GPR141: variants seen among roughly 807,000 people sequenced by gnomAD.
GPR141 encodes probable G protein-coupled receptor 141.
In GPR141, 6 loss-of-function variants were observed where a neutral mutation model predicts 6.8. That is an observed-to-expected ratio of 0.88 (90% CI 0.48 to 1.74). The LOEUF (loss-of-function observed/expected upper bound fraction) is 1.74. GPR141 is among the 40% of genes most tolerant of loss of function. The pLI is 0.01. For missense variants in GPR141, 372 were observed against 372.9 expected (o/e 1.00, Z 0.02); for synonymous variants, 140 against 142.3 (o/e 0.98, Z 0.11).
chr7:37,695,592 C>T (rs1414710178), intron 2 of GPR141, among the ~76,000 whole-genome samples: 1 of 152,306 alleles, frequency 6.6e-6, no homozygotes, highest in African/African-American at 2.4e-5. Flanking sequence ...GTGTTTCCTT[C>T]CGTTCTCTAT....
intron 2 of GPR141, among the ~76,000 whole-genome samples, chr7:37,731,243 G>A (rs973352709): frequency 6.6e-6 from 1 of 152,076 alleles, no homozygotes; most frequent in African/African-American, 2.4e-5. Flanking sequence ...CTCTTCTCAG[G>A]GATTAGAGAC....
At chr7:37,698,623 G>A (rs145166511) in intron 2 of GPR141, among the ~76,000 whole-genome samples, 2,736 of 152,256 alleles carry the variant, frequency 0.018, 154 homozygotes, top group Admixed American at 0.11. Flanking sequence ...GTAAAGAAAT[G>A]TCAGTCACTA....
intron 2 of GPR141, among the ~76,000 whole-genome samples, chr7:37,729,183 T>C (rs1003256685): frequency 6.6e-6 from 1 of 152,164 alleles, no homozygotes; most frequent in African/African-American, 2.4e-5. Flanking sequence ...CAGAGTTTTT[T>C]CTTTTCTCTA....
Position 37,740,697 on chromosome 7 carries a change from A to G in GPR141, c.304A>G (p.Thr102Ala). 6.2e-7 allele frequency: 1 copy of G among 1,614,002 alleles called. No individual in the cohort carries two copies. Among genetic ancestry groups the G allele is most frequent in the Non-Finnish European group, 8.5e-7 (1 of 1,179,980 alleles). Reference sequence around the variant, plus strand: ...CATGCTGCACATCCACATGTACCTCACGTTCCTATTCTATGTGGTGATCCT... The same window carrying G: ...CATGCTGCACATCCACATGTACCTCGCGTTCCTATTCTATGTGGTGATCCT... ...SAMLHIHMYLTFLFYVVILVT... is the reference protein window; with the variant it reads ...SAMLHIHMYLAFLFYVVILVT... Residue 102 changes from threonine (T) to alanine (A), a missense_variant, in exon 3 of 3, where the codon ACG becomes GCG. Coordinates refer to ENST00000334425, the MANE Select transcript of GPR141 (RefSeq NM_001381946.1).
intron 2 of GPR141, among the ~76,000 whole-genome samples, chr7:37,710,700 C>T (rs1332538698): frequency 6.6e-6 from 1 of 152,068 alleles, no homozygotes; most frequent in Non-Finnish European, 1.5e-5. Context: ...AATAAATGCC[C>T]ACAGTCTGAG....
intron 2 of GPR141, among the ~76,000 whole-genome samples, chr7:37,689,738 A>G (rs1809670850): frequency 6.6e-6 from 1 of 151,230 alleles, no homozygotes; most frequent in Admixed American, 6.6e-5. Context: ...CTGTGCTATT[A>G]ATTGTACAGT....
chr7:37,685,752 CT>C (rs35789715), intron 2 of GPR141, among the ~76,000 whole-genome samples, 169 bp downstream of exon 2: 15,258 of 113,064 alleles, frequency 0.13, 1,282 homozygotes, highest in African/African-American at 0.27. Flanking sequence ...CCTGGCAGCA[CT>C]TTTTTTTTTT....
intron 2 of GPR141, among the ~76,000 whole-genome samples, chr7:37,738,068 G>GTAT: frequency 6.6e-6 from 1 of 152,168 alleles, no homozygotes; most frequent in Non-Finnish European, 1.5e-5. Context: ...ATATAATAAT[G>GTAT]AGTTTTCGGG....
Position 37,712,936 on chromosome 7 carries a change from A to T in GPR141, c.-15+27353A>T, listed in dbSNP as rs116552325. On this transcript the variant is annotated intron_variant, in intron 2 of 2. Transcript: ENST00000334425. ...TGTCCTGGATGATTTCACTTGCTTC[A>T]TGTGTCTTCATCTTCCTCTTAAAAC... is the stretch of plus-strand genomic sequence containing the variant. 4.5e-3 allele frequency among the ~76,000 whole-genome samples: 691 copies of T among 152,214 alleles called. 6 individuals are homozygous for T. The highest frequency in any genetic ancestry group is 0.016 in the African/African-American group (645 of 41,502).
chr7:37,743,216 T>C lies in GPR141; in HGVS notation c.*1905T>C, dbSNP rs886481083. ...TATATCTTCGGGATTTAAAAGTTTT[T>C]CATAATTTATTATCACTGTGGATCC... On this transcript the variant is annotated 3_prime_UTR_variant, in exon 3 of 3. Coordinates refer to ENST00000334425, the MANE Select transcript of GPR141 (RefSeq NM_001381946.1). Among the ~76,000 whole-genome samples, 6 of 79,770 alleles carry C rather than the reference T, an allele frequency of 7.5e-5. No individual in the cohort carries two copies. Among genetic ancestry groups the C allele is most frequent in the Non-Finnish European group, 2.6e-5 (1 of 38,734 alleles). The allele number at this position is 79,770 out of a possible 152,430, so 52.3% of individuals were successfully genotyped here. A position where few individuals can be genotyped will look rare whatever the true frequency, so the allele number is the denominator to read the frequency against.
intron 2 of GPR141, among the ~76,000 whole-genome samples, chr7:37,717,683 G>T: frequency 6.6e-6 from 1 of 152,064 alleles, no homozygotes; most frequent in Non-Finnish European, 1.5e-5. Flanking sequence ...AGTTTGGCTT[G>T]TTCTCCCACA....
intron 2 of GPR141, among the ~76,000 whole-genome samples, chr7:37,707,020 A>G (rs1810555471): frequency 6.6e-6 from 1 of 151,736 alleles, no homozygotes; most frequent in South Asian, 2.1e-4. Flanking sequence ...TTCCCTCCAG[A>G]GCTTCCCTGA....
chr7:37,740,127 A>G (rs1260945283), intron 2 of GPR141, among the ~76,000 whole-genome samples: 2 of 152,208 alleles, frequency 1.3e-5, no homozygotes, highest in East Asian at 3.8e-4. Context: ...TTATCTACAT[A>G]CATCTCTCTG....
intron 2 of GPR141, among the ~76,000 whole-genome samples, chr7:37,689,468 T>A (rs1365033125): frequency 6.6e-6 from 1 of 152,122 alleles, no homozygotes; most frequent in Non-Finnish European, 1.5e-5. Context: ...AGAAATAGTA[T>A]TAGTTATTTT....
intron 2 of GPR141, chr7:37,729,807 A>C (rs1291007704): frequency 6.6e-6 from 1 of 152,238 alleles, no homozygotes; most frequent in African/African-American, 2.4e-5. Context: ...AGTAGCATCA[A>C]CAAATAACTG....
chr7:37,739,673 G>A (rs1426626051), intron 2 of GPR141, among the ~76,000 whole-genome samples: 2 of 152,176 alleles, frequency 1.3e-5, no homozygotes, highest in Non-Finnish European at 2.9e-5. Context: ...GAGTCCAGGG[G>A]ATAAATGCCA....
chr7:37,740,866 A>G lies in GPR141; in HGVS notation c.473A>G (p.His158Arg). ...CTGGTTGTCTCCCGGTATGGAATCC[A>G]TGAGGAATACAATGAGGAGCACTGT... is the stretch of plus-strand genomic sequence containing the variant. The part of the protein sequence containing the change: ...VPLVVSRYGI[H>R]EEYNEEHCFK... The change falls in exon 3 of 3, where the codon CAT (histidine) becomes CGT (arginine). Residue 158 changes from histidine to arginine, a missense_variant. Transcript: ENST00000334425. The G allele has an allele frequency of 6.2e-7, 1 of 1,614,140 alleles. No individual in the cohort carries two copies. Among genetic ancestry groups the G allele is most frequent in the Non-Finnish European group, 8.5e-7 (1 of 1,179,950 alleles).
chr7:37,687,279 T>C (rs1809551951), intron 2 of GPR141, among the ~76,000 whole-genome samples: 2 of 152,102 alleles, frequency 1.3e-5, no homozygotes, highest in Admixed American at 1.3e-4. Flanking sequence ...TATGATTCAT[T>C]CACTTCTTAG....
In GPR141 at chr7:37,708,560, C is replaced by A. The variant is rs74981071; in HGVS notation, c.-15+22977C>A. ...GCATCCTGTCTGAGAGCAATAATAT[C>A]ATGCTGTACATACAGTAAAGTCAGG... On this transcript the variant is annotated intron_variant, in intron 2 of 2. Coordinates refer to ENST00000334425, the MANE Select transcript of GPR141 (RefSeq NM_001381946.1). Among the ~76,000 whole-genome samples the A allele has an allele frequency of 9.3e-3, 1,408 of 152,210 alleles. 10 individuals carry two copies. Among genetic ancestry groups the A allele is most frequent in the Non-Finnish European group, 0.016 (1,067 of 67,994 alleles).
Sources: allele counts gnomAD v4.1 joint callset (sites outside exome capture counted in the v4.1 genomes callset), GRCh38; gene constraint gnomAD v4.1.1; transcripts MANE v1.5; gene names NCBI Gene and HGNC (gene_info 2026-07-23, HGNC 2026-07-21).